Variants in GRM1 observed in about 807,000 individuals in gnomAD.
GRM1 encodes the protein glutamate metabotropic receptor 1, also known as metabotropic glutamate receptor 1.
Under a neutral mutation model 90.9 loss-of-function variants are expected in GRM1, and 33 were observed. The observed-to-expected ratio is 0.36, with a 90% confidence interval of 0.28 to 0.49. The LOEUF (loss-of-function observed/expected upper bound fraction) is 0.49. Ranked by LOEUF, GRM1 falls within the 20% of genes least tolerant of loss-of-function variation. The probability of loss-of-function intolerance (pLI) is 0.99; values close to 1 mark genes in which losing one functional copy is unlikely to be tolerated. For synonymous variants in GRM1, 700 were observed against 613.2 expected (o/e 1.14, Z -2.09); for missense variants, 1,190 against 1,534.3 (o/e 0.78, Z 3.75).
intron 2 of GRM1, among the ~76,000 whole-genome samples, chr6:146,257,626 C>T (rs58595805): frequency 0.095 from 14,430 of 152,022 alleles, 1,818 homozygotes; most frequent in African/African-American, 0.28. Context: ...TTCCATGTTC[C>T]GCTATCTACG....
At chr6:146,262,088 A>AC (rs1190590266) in intron 2 of GRM1, among the ~76,000 whole-genome samples, 4 of 151,402 alleles carry the variant, frequency 2.6e-5, no homozygotes, top group Non-Finnish European at 4.4e-5. Flanking sequence ...ACAAAACAAA[A>AC]AAAAAAAAAA....
chr6:146,399,869 T>TTAAATCTCACATTC lies in GRM1; in HGVS notation c.2660+172_2660+185dup, dbSNP rs1777096179. On this transcript the variant is annotated intron_variant, in intron 7 of 7. Coordinates refer to ENST00000282753, the MANE Select transcript of GRM1 (RefSeq NM_001278064.2). The surrounding 1 kb of genome is among the most constrained non-coding windows in gnomAD (Gnocchi z 5.4). ...CCTTTCTTAATCTTTTCTCCCTTTC[T>TTAAATCTCACATTC]TAAATCTCACATTCTGTTGCAGTAA... Among the ~76,000 whole-genome samples, 1 of 152,224 alleles carries TTAAATCTCACATTC rather than the reference T, an allele frequency of 6.6e-6. No individual in the cohort carries two copies. The highest frequency in any genetic ancestry group is 2.1e-4 in the South Asian group (1 of 4,830).
At chr6:146,044,885 A>G (rs967535642) in intron 1 of GRM1, among the ~76,000 whole-genome samples, 4 of 151,984 alleles carry the variant, frequency 2.6e-5, no homozygotes, top group African/African-American at 7.2e-5. Flanking sequence ...AGAGGAATGC[A>G]GTCAAGGAGT....
At chr6:146,433,525 AGTGTGTGTGTGT>A (rs72224796) in intron 7 of GRM1, among the ~76,000 whole-genome samples, 5 of 148,088 alleles carry the variant, frequency 3.4e-5, no homozygotes, top group East Asian at 4.0e-4. Flanking sequence ...GTTTTTCAAA[AGTGTGTGTGTGT>A]GTGTGTGTGT....
chr6:146,429,626 TGGTG>T (rs1177525976), intron 7 of GRM1, among the ~76,000 whole-genome samples: 1 of 152,168 alleles, frequency 6.6e-6, no homozygotes, highest in Non-Finnish European at 1.5e-5. Flanking sequence ...GGGAAAGTCT[TGGTG>T]GGGTCAGAAC....
chr6:146,355,808 G>A (rs1785561878), intron 4 of GRM1, among the ~76,000 whole-genome samples: 2 of 152,190 alleles, frequency 1.3e-5, no homozygotes, highest in African/African-American at 4.8e-5. Context: ...AGAATTGCAG[G>A]AAGGATTAAG....
At chr6:146,059,249 A>C (rs1342394081) in intron 1 of GRM1, among the ~76,000 whole-genome samples, 1 of 152,182 alleles carries the variant, frequency 6.6e-6, no homozygotes, top group Non-Finnish European at 1.5e-5. Context: ...TGGGCTGCAG[A>C]ACAGATGTTG....
intron 1 of GRM1, among the ~76,000 whole-genome samples, chr6:146,134,008 C>T (rs1339179675): frequency 6.6e-6 from 1 of 152,220 alleles, no homozygotes; most frequent in Non-Finnish European, 1.5e-5. Context: ...GATAAGATGC[C>T]CAGTGACATT....
chr6:146,128,513 AT>A (rs1776279568), intron 1 of GRM1, among the ~76,000 whole-genome samples: 1 of 152,102 alleles, frequency 6.6e-6, no homozygotes, highest in Admixed American at 6.6e-5. Flanking sequence ...TGGAGTTGAG[AT>A]TTGAACCCAT....
intron 5 of GRM1, among the ~76,000 whole-genome samples, chr6:146,370,902 T>A (rs1254150825): frequency 6.6e-6 from 1 of 152,148 alleles, no homozygotes; most frequent in Non-Finnish European, 1.5e-5. Context: ...ATATGTCAAC[T>A]TTTTGATCAT....
At chr6:146,276,184 G>C (rs1782354763) in intron 2 of GRM1, among the ~76,000 whole-genome samples, 1 of 152,032 alleles carries the variant, frequency 6.6e-6, no homozygotes, top group Non-Finnish European at 1.5e-5. Context: ...CATTATTTGT[G>C]GTTATTACCG....
chr6:146,136,423 C>A (rs1294545001), intron 1 of GRM1, among the ~76,000 whole-genome samples: 1 of 152,172 alleles, frequency 6.6e-6, no homozygotes, highest in African/African-American at 2.4e-5. Context: ...CCCTTTCCTT[C>A]ACATCCTCAC....
intron 2 of GRM1, among the ~76,000 whole-genome samples, chr6:146,254,486 T>C (rs920497885): frequency 6.6e-6 from 1 of 152,180 alleles, no homozygotes; most frequent in Non-Finnish European, 1.5e-5. Flanking sequence ...ATTTATTAAA[T>C]TGATGACTTT....
chr6:146,214,110 G>C (rs1393866466), intron 2 of GRM1, among the ~76,000 whole-genome samples: 1 of 152,076 alleles, frequency 6.6e-6, no homozygotes, highest in African/African-American at 2.4e-5. Context: ...TGGCCACTTT[G>C]AGGGTGGATC....
chr6:146,371,722 G>A (rs1775909841), intron 5 of GRM1, among the ~76,000 whole-genome samples: 1 of 151,964 alleles, frequency 6.6e-6, no homozygotes, highest in South Asian at 2.1e-4. Context: ...TGATGCTTGT[G>A]TTTCTGTGCC....
chr6:146,111,658 A>T (rs1775565712), intron 1 of GRM1, among the ~76,000 whole-genome samples: 1 of 152,174 alleles, frequency 6.6e-6, no homozygotes, highest in Non-Finnish European at 1.5e-5. Flanking sequence ...AAGGCTTGAG[A>T]TAGCCTGGTT....
intron 5 of GRM1, among the ~76,000 whole-genome samples, chr6:146,384,849 G>GA (rs909153232): frequency 6.6e-6 from 1 of 151,730 alleles, no homozygotes. Context: ...ACATATCTAA[G>GA]AAAAAAACAT....
chr6:146,262,245 TA>T (rs543883065), intron 2 of GRM1, among the ~76,000 whole-genome samples: 46 of 151,934 alleles, frequency 3.0e-4, no homozygotes, highest in Admixed American at 1.6e-3. Context: ...GAAGAAAGGT[TA>T]AAAAAAATAT....
chr6:146,433,135 G>A (rs1033609080), intron 7 of GRM1, among the ~76,000 whole-genome samples: 1 of 152,150 alleles, frequency 6.6e-6, no homozygotes, highest in African/African-American at 2.4e-5. Context: ...TGTTCCTAGA[G>A]TGAAAATCCC....
Sources: allele counts gnomAD v4.1 joint callset (sites outside exome capture counted in the v4.1 genomes callset), GRCh38; gene constraint gnomAD v4.1.1; non-coding constraint Gnocchi (gnomAD v3.1); transcripts MANE v1.5; gene names NCBI Gene and HGNC (gene_info 2026-07-23, HGNC 2026-07-21).